PCLO: variants seen among roughly 807,000 people sequenced by gnomAD.
PCLO encodes piccolo presynaptic cytomatrix protein.
PCLO carries 82 observed loss-of-function variants against 427.5 expected under a neutral mutation model. The ratio of observed to expected loss-of-function variants is 0.19; its 90% CI spans 0.16 to 0.23. PCLO has a LOEUF of 0.23. PCLO is among the 10% of genes least tolerant of loss of function. PCLO has a pLI of 1.00. For missense variants in PCLO, 6,239 were observed against 6,115.9 expected, an observed-to-expected ratio of 1.02 and a Z score of -0.67; for synonymous variants, 2,357 against 2,155.4, an observed-to-expected ratio of 1.09 and a Z score of -2.59.
chr7:83,143,304 G>A (rs949636953), intron 2 of PCLO, among the ~76,000 whole-genome samples: 10 of 152,146 alleles, frequency 6.6e-5, no homozygotes, highest in African/African-American at 2.2e-4. Context: ...CACTGTAGTT[G>A]ACATCTTTAG....
intron 20 of PCLO, among the ~76,000 whole-genome samples, chr7:82,809,534 T>C (rs1183963330): frequency 6.6e-6 from 1 of 151,660 alleles, no homozygotes; most frequent in Admixed American, 6.6e-5. Flanking sequence ...AAAGCCTATG[T>C]TTTCTCCTTG....
rs184619307 is a variant in PCLO at position 82,765,394 on chromosome 7, G to C, written c.15008-3901C>G. ...TAAGTACAAGGAAGGAAATAATAAA[G>C]ATGTCCACTAAAATTAATAAAGTAG... On this transcript the variant is annotated intron_variant, in intron 22 of 24. Transcript: ENST00000333891. Among the ~76,000 whole-genome samples the C allele has an allele frequency of 2.7e-4, 41 of 151,460 alleles. 1 individual carries two copies. The East Asian group carries it at 7.6e-3, about 28-fold the overall frequency.
In PCLO at chr7:82,835,683, C is replaced by A; in HGVS notation, c.14233G>T (p.Val4745Phe). The change falls in exon 16 of 25, where the codon GTT (valine) becomes TTT (phenylalanine). Residue 4745 changes from valine to phenylalanine, a missense_variant. Val to Phe is a conservative substitution (Grantham distance 50). This residue lies in a region of PCLO where 877 missense variants were observed against 925.5 expected (regional missense o/e 0.95). Transcript: ENST00000333891. ...CAACTCTACCTTGCATTCTGGACAA[C>A]CATGACTTGACTGCATTGATTCCAA... ...YLLPGRGQVM[V>F]VQNASAEYKR... The A allele has an allele frequency of 6.2e-7, 1 of 1,609,736 alleles. No individual in the cohort carries two copies. The highest frequency in any genetic ancestry group is 8.5e-7 in the Non-Finnish European group (1 of 1,177,742).
At chr7:82,972,384 C>G (rs1311647409) in intron 3 of PCLO, among the ~76,000 whole-genome samples, 3 of 151,876 alleles carry the variant, frequency 2.0e-5, no homozygotes, top group Non-Finnish European at 4.4e-5. Context: ...AGCAACAATC[C>G]CATTAAGGAG....
rs532985335 is a variant in PCLO, at chr7:82,813,813, T to G, written c.14792-7984A>C. Among the ~76,000 whole-genome samples, 4 of 151,928 alleles carry G rather than the reference T, an allele frequency of 2.6e-5. No individual in the cohort carries two copies. In the South Asian group the frequency reaches 6.2e-4, roughly 24 times the overall value. On this transcript the variant is annotated intron_variant, in intron 20 of 24. Transcript: ENST00000333891. ...CACGTTTGCAAATATCCTTTTGGCA[T>G]TAAATATTTTGAAACTCATCAAATT...
At chr7:82,862,992 T>C (rs1793000682) in intron 10 of PCLO, among the ~76,000 whole-genome samples, 1 of 151,986 alleles carries the variant, frequency 6.6e-6, no homozygotes, top group Admixed American at 6.6e-5. Context: ...CAAAATAACC[T>C]AATGAGTATA....
At chr7:83,106,514 T>C (rs1266869166) in intron 3 of PCLO, among the ~76,000 whole-genome samples, 2 of 152,180 alleles carry the variant, frequency 1.3e-5, no homozygotes, top group East Asian at 3.9e-4. Flanking sequence ...ATTTCTACTA[T>C]AATAATAACT....
At chr7:83,142,543 C>T (rs1791887013) in intron 2 of PCLO, among the ~76,000 whole-genome samples, 1 of 152,174 alleles carries the variant, frequency 6.6e-6, no homozygotes, top group African/African-American at 2.4e-5. Flanking sequence ...CAATGAACAT[C>T]TGCTGTTTTT....
chr7:82,953,440 G>T lies in PCLO; in HGVS notation c.7513C>A (p.Pro2505Thr). ...TTGGGGGCGATTGGAGGTTTGCTTGGCTCAGGCCTGTGGGTAAATACAAGT... is the reference window on the plus strand; with the variant it reads ...TTGGGGGCGATTGGAGGTTTGCTTGTCTCAGGCCTGTGGGTAAATACAAGT... ...SGLVFTHRPE[P>T]SKPPIAPKPV... Residue 2505 changes from proline to threonine, a missense_variant, in exon 5 of 25, where the codon CCA (proline) becomes ACA (threonine). By Grantham distance (38) the Pro-to-Thr change is conservative. Coordinates refer to ENST00000333891, the MANE Select transcript of PCLO (RefSeq NM_033026.6). 1 of 1,613,550 alleles carries T rather than the reference G, an allele frequency of 6.2e-7. No homozygotes were observed. Among genetic ancestry groups the T allele is most frequent in the Non-Finnish European group, 8.5e-7 (1 of 1,179,820 alleles).
intron 10 of PCLO, chr7:82,868,258 C>A: frequency 2.2e-6 from 1 of 456,206 alleles, no homozygotes; most frequent in Non-Finnish European, 4.4e-6. Flanking sequence ...GAGCATTCTT[C>A]CTTATGTTAT....
chr7:83,113,389 C>T (rs375658667), intron 3 of PCLO, among the ~76,000 whole-genome samples: 2 of 152,270 alleles, frequency 1.3e-5, no homozygotes, highest in Non-Finnish European at 2.9e-5. Flanking sequence ...CCAGCCTTAG[C>T]TGTAGATGTA....
At chr7:82,883,960 G>C (rs1247641603) in intron 9 of PCLO, among the ~76,000 whole-genome samples, 1 of 152,010 alleles carries the variant, frequency 6.6e-6, no homozygotes, top group South Asian at 2.1e-4. Flanking sequence ...TGGTAGACAG[G>C]GGTTTTTGCC....
intron 3 of PCLO, among the ~76,000 whole-genome samples, chr7:83,023,566 T>C (rs904340287): frequency 6.6e-6 from 1 of 152,148 alleles, no homozygotes; most frequent in African/African-American, 2.4e-5. Context: ...TTCAAAACAG[T>C]TGTAAGTACA....
chr7:82,811,298 C>T (rs1348756029), intron 20 of PCLO, among the ~76,000 whole-genome samples: 1 of 151,414 alleles, frequency 6.6e-6, no homozygotes, highest in Non-Finnish European at 1.5e-5. Context: ...TTTAATTTAG[C>T]TAGTATTTAC....
intron 3 of PCLO, among the ~76,000 whole-genome samples, chr7:83,038,025 A>T (rs866114942): frequency 1.8e-4 from 9 of 49,076 alleles, no homozygotes; most frequent in African/African-American, 4.6e-4. Flanking sequence ...ATATATATAT[A>T]TATATTTATA....
chr7:82,882,113 T>C (rs1266357552), intron 9 of PCLO, among the ~76,000 whole-genome samples: 1 of 152,210 alleles, frequency 6.6e-6, no homozygotes. Context: ...TGAATTTATA[T>C]AATTTTAAAG....
chr7:82,760,898 G>T (rs1790417273), intron 23 of PCLO, 114 bp from the exon 24 acceptor site: 5 of 224,044 alleles, frequency 2.2e-5, no homozygotes, highest in South Asian at 8.2e-5. Context: ...CCAGCAGATT[G>T]TAAACGATTT....
At chr7:83,128,911 C>A (rs1442337891) in intron 3 of PCLO, among the ~76,000 whole-genome samples, 1 of 152,108 alleles carries the variant, frequency 6.6e-6, no homozygotes, top group Non-Finnish European at 1.5e-5. Flanking sequence ...CCTGAATCTG[C>A]TTCATTCTTC....
chr7:83,121,283 G>A (rs1791271305), intron 3 of PCLO, among the ~76,000 whole-genome samples: 4 of 152,072 alleles, frequency 2.6e-5, no homozygotes, highest in Admixed American at 2.6e-4. Flanking sequence ...TTTGTTTGTT[G>A]TTGCTACTGC....
Sources: gnomAD v4.1 joint callset for allele counts (sites outside exome capture counted in the v4.1 genomes callset) on GRCh38, gnomAD v4.1.1 for gene constraint, gnomAD v4.1.1 regional missense constraint, MANE v1.5 for transcripts, NCBI Gene and HGNC (gene_info 2026-07-23, HGNC 2026-07-21) for gene names.